Variants in MED13L observed in about 807,000 individuals in gnomAD.
The protein encoded by MED13L is mediator complex subunit 13L.
A neutral mutation model predicts 220.9 loss-of-function variants in MED13L; 7 were observed. The ratio of observed to expected loss-of-function variants is 0.03; its 90% CI spans 0.02 to 0.06. The LOEUF (loss-of-function observed/expected upper bound fraction) is 0.06, where lower values mean the gene tolerates loss of function less well. Ranked by LOEUF, MED13L falls within the 10% of genes least tolerant of loss-of-function variation. MED13L has a pLI of 1.00. For missense variants in MED13L, 1,965 were observed against 2,760.5 expected, an observed-to-expected ratio of 0.71 and a Z score of 6.46; for synonymous variants, 1,011 against 1,015.2, an observed-to-expected ratio of 1.00 and a Z score of 0.08.
intron 3 of MED13L, among the ~76,000 whole-genome samples, chr12:116,098,770 G>C (rs891545241): frequency 1.3e-4 from 20 of 151,704 alleles, no homozygotes; most frequent in Middle Eastern, 6.3e-3. Flanking sequence ...AAGCTTATAA[G>C]TTTAAAAAAA....
intron 2 of MED13L, among the ~76,000 whole-genome samples, chr12:116,191,782 AC>A (rs1362044766): frequency 1.3e-5 from 2 of 151,874 alleles, no homozygotes; most frequent in Non-Finnish European, 2.9e-5. Context: ...GGAGTTGGAG[AC>A]CAGCCTGGGC....
chr12:116,202,118 C>T (rs1653705403), intron 2 of MED13L, among the ~76,000 whole-genome samples: 1 of 152,202 alleles, frequency 6.6e-6, no homozygotes, highest in African/African-American at 2.4e-5. Context: ...CAAATCCACA[C>T]AACAGCATTT....
At chr12:116,165,676 T>C (rs945268275) in intron 2 of MED13L, among the ~76,000 whole-genome samples, 1 of 152,088 alleles carries the variant, frequency 6.6e-6, no homozygotes, top group Non-Finnish European at 1.5e-5. Context: ...TTGCACATTG[T>C]AGACTAACAG....
rs1877474653 is a variant in MED13L, at chr12:115,983,433, G to T, written c.4639C>A (p.Pro1547Thr). The T allele has an allele frequency of 1.2e-6, 2 of 1,614,200 alleles. No homozygotes were observed. Among genetic ancestry groups the T allele is most frequent in the African/African-American group, 2.7e-5 (2 of 75,068 alleles). ...QGQATPGNAG[P>T]LAPNGSAAPP... is the part of the protein sequence containing the mutation. ...GCTGCTGATCCATTTGGAGCTAAGG[G>T]CCCAGCATTCCCTGGCGTAGCTTGT... Residue 1547 changes from proline (P) to threonine (T), a missense_variant, in exon 21 of 31, where the codon CCC (proline) becomes ACC (threonine). Physicochemically the swap from Pro to Thr is conservative, Grantham distance 38 (BLOSUM62 -1). Transcript: ENST00000281928.
chr12:116,271,119 G>A (rs185481909), intron 1 of MED13L, among the ~76,000 whole-genome samples: 1 of 151,168 alleles, frequency 6.6e-6, no homozygotes, highest in Admixed American at 6.6e-5. Context: ...ACTCAAGAGG[G>A]GGGAAAATGT....
chr12:116,166,579 G>A (rs1267728090), intron 2 of MED13L, among the ~76,000 whole-genome samples: 1 of 152,082 alleles, frequency 6.6e-6, no homozygotes, highest in Non-Finnish European at 1.5e-5. Flanking sequence ...GCAAGACTCT[G>A]TCATTAATAA....
chr12:116,188,737 A>G (rs1330536768), intron 2 of MED13L, among the ~76,000 whole-genome samples: 1 of 151,802 alleles, frequency 6.6e-6, no homozygotes, highest in Non-Finnish European at 1.5e-5. Context: ...CTTTCCTCCC[A>G]CTTCCACCCC....
At chr12:116,253,219 C>T (rs1261326366) in intron 1 of MED13L, among the ~76,000 whole-genome samples, 1 of 148,824 alleles carries the variant, frequency 6.7e-6, no homozygotes, top group Non-Finnish European at 1.5e-5. Flanking sequence ...TTGCACTAAG[C>T]CAAGATGGCG....
chr12:115,973,566 T>C (rs1322042732), intron 25 of MED13L, among the ~76,000 whole-genome samples: 1 of 152,212 alleles, frequency 6.6e-6, no homozygotes, highest in Non-Finnish European at 1.5e-5. Context: ...AAATACCAAG[T>C]GACTAGACTA....
chr12:116,110,776 C>T (rs1272371975), intron 3 of MED13L, among the ~76,000 whole-genome samples: 1 of 152,074 alleles, frequency 6.6e-6, no homozygotes, highest in African/African-American at 2.4e-5. Flanking sequence ...AACATCACTT[C>T]TATGGTATTC....
At chr12:116,190,353 T>C (rs118118156) in intron 2 of MED13L, among the ~76,000 whole-genome samples, 468 of 152,344 alleles carry the variant, frequency 3.1e-3, no homozygotes, top group Non-Finnish European at 5.0e-3. Flanking sequence ...TGTTTGATGT[T>C]TGAACATGAC....
chr12:116,114,831 A>G (rs956937560), intron 2 of MED13L, among the ~76,000 whole-genome samples: 3 of 152,226 alleles, frequency 2.0e-5, no homozygotes, highest in African/African-American at 7.2e-5. Flanking sequence ...TAGAAACTGA[A>G]ATTTTTTAAA....
At chr12:116,132,127 A>T (rs1229713228) in intron 2 of MED13L, among the ~76,000 whole-genome samples, 3 of 152,056 alleles carry the variant, frequency 2.0e-5, no homozygotes, top group Non-Finnish European at 2.9e-5. Flanking sequence ...AAAGTACAAA[A>T]AAAATTAGCA....
At position 115,983,174 on chromosome 12, in the gene MED13L, C is replaced by T; in HGVS notation, c.4898G>A (p.Gly1633Asp). The T allele has an allele frequency of 6.2e-7, 1 of 1,614,158 alleles. No individual in the cohort carries two copies. The highest frequency in any genetic ancestry group is 8.5e-7 in the Non-Finnish European group (1 of 1,180,002). Residue 1633 changes from glycine (G) to aspartate (D), a missense_variant, in exon 21 of 31, where the codon GGT (glycine) becomes GAT (aspartate). Coordinates refer to ENST00000281928, the MANE Select transcript of MED13L (RefSeq NM_015335.5). ...GCTCTGCCCAGGGTCAGTGTCTCCA[C>T]CACAGCCTATGTTCCCTTGCGTTCT... Reference protein sequence around the residue: ...ADRTQGNIGCGGDTDPGQSSS... With the variant: ...ADRTQGNIGCDGDTDPGQSSS...
At chr12:116,158,420 A>G (rs1878604971) in intron 2 of MED13L, among the ~76,000 whole-genome samples, 1 of 152,210 alleles carries the variant, frequency 6.6e-6, no homozygotes, top group African/African-American at 2.4e-5. Flanking sequence ...CAACTATTTA[A>G]ATTCAGAGCC....
chr12:116,163,356 T>C (rs992390933), intron 2 of MED13L, among the ~76,000 whole-genome samples: 2 of 129,440 alleles, frequency 1.5e-5, no homozygotes, highest in East Asian at 5.1e-4. Context: ...TGTTTATAGG[T>C]GAAGAATTTT....
chr12:116,192,115 A>G (rs1381189981), intron 2 of MED13L, among the ~76,000 whole-genome samples: 1 of 152,198 alleles, frequency 6.6e-6, no homozygotes, highest in African/African-American at 2.4e-5. Context: ...AGAGAGCAAT[A>G]AAATAAACTT....
chr12:116,185,608 G>A (rs1880829673), intron 2 of MED13L, among the ~76,000 whole-genome samples: 1 of 150,562 alleles, frequency 6.6e-6, no homozygotes, highest in African/African-American at 2.4e-5. Context: ...TCCTGATACG[G>A]CACATTTAAT....
chr12:116,142,661 C>T (rs928925770), intron 2 of MED13L, among the ~76,000 whole-genome samples: 1 of 151,990 alleles, frequency 6.6e-6, no homozygotes, highest in African/African-American at 2.4e-5. Flanking sequence ...GCACTCCAGC[C>T]TGGACGACAA....
Sources: allele counts gnomAD v4.1 joint callset (sites outside exome capture counted in the v4.1 genomes callset), GRCh38; gene constraint gnomAD v4.1.1; transcripts MANE v1.5; gene names NCBI Gene and HGNC (gene_info 2026-07-23, HGNC 2026-07-21).